The following CFAP20DC variants were observed in gnomAD, a reference collection of about 807,000 sequenced individuals.
CFAP20DC encodes the protein CFAP20 domain containing, also known as protein CFAP20DC.
Under a neutral mutation model 101.7 loss-of-function variants are expected in CFAP20DC, and 84 were observed. The observed-to-expected ratio is 0.83, with a 90% CI of 0.69 to 0.99. The LOEUF is 0.99. Ranked by LOEUF, CFAP20DC falls within the 50% of genes least tolerant of loss-of-function variation. The probability of loss-of-function intolerance (pLI) is 0.00; values close to 1 mark genes in which losing one functional copy is unlikely to be tolerated. For missense variants in CFAP20DC, 1,007 were observed against 970.3 expected (o/e 1.04, Z -0.50); for synonymous variants, 359 against 351.2 (o/e 1.02, Z -0.25).
At chr3:58,824,926 G>A (rs1347523647) in intron 14 of CFAP20DC, among the ~76,000 whole-genome samples, 2 of 151,654 alleles carry the variant, frequency 1.3e-5, no homozygotes, top group Non-Finnish European at 2.9e-5. Flanking sequence ...CTCCCAATTA[G>A]CTGGGAATAC....
chr3:58,772,878 A>T (rs1277464064), intron 15 of CFAP20DC, among the ~76,000 whole-genome samples: 2 of 152,246 alleles, frequency 1.3e-5, no homozygotes. Flanking sequence ...TAATATATGC[A>T]TAGAAAATTT....
intron 4 of CFAP20DC, among the ~76,000 whole-genome samples, chr3:58,952,140 T>G (rs2108060646): frequency 6.6e-6 from 1 of 152,264 alleles, no homozygotes; most frequent in South Asian, 2.1e-4. Context: ...AGCGTTGAGT[T>G]CATTGTAGTT....
At chr3:58,875,354 T>C (rs1270017311) in intron 7 of CFAP20DC, among the ~76,000 whole-genome samples, 3 of 152,200 alleles carry the variant, frequency 2.0e-5, no homozygotes, top group Non-Finnish European at 2.9e-5. Context: ...AAATCTATTA[T>C]AGTCAATATT....
At chr3:58,950,747 T>C (rs2090007550) in intron 4 of CFAP20DC, among the ~76,000 whole-genome samples, 1 of 152,180 alleles carries the variant, frequency 6.6e-6, no homozygotes, top group Non-Finnish European at 1.5e-5. Flanking sequence ...TTACAGCTCA[T>C]ACAAAAATTA....
intron 5 of CFAP20DC, among the ~76,000 whole-genome samples, chr3:58,922,558 C>T (rs954594812): frequency 6.6e-6 from 1 of 152,012 alleles, no homozygotes; most frequent in Non-Finnish European, 1.5e-5. Flanking sequence ...CTGACAATGC[C>T]TCCTCTTTCT....
chr3:58,832,021 G>A (rs888044303), intron 13 of CFAP20DC, 132 bp from the exon 14 acceptor site: 3 of 699,414 alleles, frequency 4.3e-6, no homozygotes, highest in Non-Finnish European at 7.5e-6. Context: ...ATGCCTCCAT[G>A]CGCTACCTGC....
chr3:58,852,446 C>T (rs897262110), intron 12 of CFAP20DC, among the ~76,000 whole-genome samples: 1 of 151,980 alleles, frequency 6.6e-6, no homozygotes, highest in African/African-American at 2.4e-5. Flanking sequence ...AGAAAGTCAA[C>T]AAGGATACCC....
chr3:59,012,559 C>A (rs2093607645), intron 4 of CFAP20DC, among the ~76,000 whole-genome samples: 2 of 152,108 alleles, frequency 1.3e-5, no homozygotes, highest in African/African-American at 4.8e-5. Flanking sequence ...GCTATTGGAG[C>A]CAGAATGAAA....
intron 14 of CFAP20DC, among the ~76,000 whole-genome samples, chr3:58,825,538 AACAC>A (rs4020376): frequency 1.3e-5 from 2 of 149,712 alleles, no homozygotes; most frequent in African/African-American, 4.9e-5. Flanking sequence ...AAAAAAAGAA[AACAC>A]ACACACACAC....
At chr3:58,878,869 G>A (rs1429361040) in intron 7 of CFAP20DC, among the ~76,000 whole-genome samples, 7 of 152,108 alleles carry the variant, frequency 4.6e-5, no homozygotes, top group East Asian at 1.9e-4. Flanking sequence ...TTAGCCGGGC[G>A]TGGTGGTGGG....
At chr3:58,716,311 G>A (rs1242171041), downstream of CFAP20DC, among the ~76,000 whole-genome samples, 5 of 151,248 alleles carry the variant, frequency 3.3e-5, no homozygotes, top group Admixed American at 6.6e-5. Flanking sequence ...ACAGGCGCCC[G>A]CCACCACGCC....
chr3:58,936,487 C>T (rs141691656), intron 5 of CFAP20DC, among the ~76,000 whole-genome samples: 3,319 of 152,136 alleles, frequency 0.022, 110 homozygotes, highest in African/African-American at 0.075. Context: ...ATGTTTATTG[C>T]GGCACTATTC....
At chr3:58,916,069 GCTCT>G (rs1559817012) in intron 5 of CFAP20DC, among the ~76,000 whole-genome samples, 2 of 152,116 alleles carry the variant, frequency 1.3e-5, no homozygotes, top group East Asian at 1.9e-4. Context: ...GAGCCAAGTG[GCTCT>G]CTATGATTAC....
chr3:58,767,247 T>C (rs1196301507), intron 15 of CFAP20DC, among the ~76,000 whole-genome samples: 4 of 152,186 alleles, frequency 2.6e-5, no homozygotes, highest in Admixed American at 1.3e-4. Context: ...TCTTGCTCTT[T>C]CTCCCCTTGC....
chr3:58,757,251 G>A (rs1250673058), intron 15 of CFAP20DC, among the ~76,000 whole-genome samples: 2 of 152,036 alleles, frequency 1.3e-5, no homozygotes, highest in Non-Finnish European at 2.9e-5. Flanking sequence ...AATGCTTTCT[G>A]ATATGAGAGG....
chr3:58,830,673 A>C (rs1324603197), intron 14 of CFAP20DC, among the ~76,000 whole-genome samples: 1 of 152,340 alleles, frequency 6.6e-6, no homozygotes, highest in East Asian at 1.9e-4. Flanking sequence ...ATAAATGAGT[A>C]AAAGTTATTT....
intron 4 of CFAP20DC, among the ~76,000 whole-genome samples, chr3:58,997,544 T>C (rs1219018039): frequency 6.6e-6 from 1 of 152,172 alleles, no homozygotes; most frequent in African/African-American, 2.4e-5. Flanking sequence ...CCTCTAATGA[T>C]GGCCTCAAGC....
In CFAP20DC at chr3:58,884,644, T is replaced by C. The variant is rs1384434744; in HGVS notation, c.616A>G (p.Met206Val). ...TGTGTGACATGTGGAACATCTGTCATTAGTTGACAGCTTCGTGGTATAATA... is the reference window on the plus strand; with the variant it reads ...TGTGTGACATGTGGAACATCTGTCACTAGTTGACAGCTTCGTGGTATAATA... ...TDIIPRSCQLMTDVPHVTQLL... is the reference protein window; with the variant it reads ...TDIIPRSCQLVTDVPHVTQLL... Residue 206 changes from methionine to valine, a missense_variant, in exon 7 of 17, where the codon ATG becomes GTG. Met to Val is a conservative substitution (Grantham distance 21, BLOSUM62 1). Transcript: ENST00000482387. 1 of 1,613,242 alleles carries C rather than the reference T, an allele frequency of 6.2e-7. No homozygotes were observed. The highest frequency in any genetic ancestry group is 2.2e-5 in the East Asian group (1 of 44,884).
Position 58,867,867 on chromosome 3 carries a change from C to T in CFAP20DC, c.1085G>A (p.Arg362Lys), listed in dbSNP as rs763951309. The part of the protein sequence containing the change: ...EPSADKNNNR[R>K]RLRLKSTSRE... ...GCTGGTACTTTTTAACCGTAATCTT[C>T]TTCTGTTATTATTCTTATCTGCTGA... Residue 362 changes from arginine to lysine, a missense_variant, in exon 10 of 17, where the codon AGA (arginine) becomes AAA (lysine). Arg to Lys is a conservative substitution (Grantham distance 26). Transcript: ENST00000482387. 2 of 1,613,534 alleles carry T rather than the reference C, an allele frequency of 1.2e-6. No individual in the cohort carries two copies. Among genetic ancestry groups the T allele is most frequent in the African/African-American group, 1.3e-5 (1 of 74,910 alleles).
Sources: allele counts gnomAD v4.1 joint callset (sites outside exome capture counted in the v4.1 genomes callset), GRCh38; gene constraint gnomAD v4.1.1; transcripts MANE v1.5; gene names NCBI Gene and HGNC (gene_info 2026-07-23, HGNC 2026-07-21).